The following CACNA1C variants were observed in gnomAD, a reference collection of about 807,000 sequenced individuals.
The protein encoded by CACNA1C is voltage-dependent L-type calcium channel subunit alpha-1C.
In CACNA1C, 30 loss-of-function variants were observed where a neutral mutation model predicts 229.0. The ratio of observed to expected loss-of-function variants is 0.13; its 90% confidence interval spans 0.10 to 0.18. The LOEUF (loss-of-function observed/expected upper bound fraction) is 0.18. CACNA1C is among the 10% of genes least tolerant of loss of function. The pLI, the probability that CACNA1C is intolerant of heterozygous loss-of-function variation, is 1.00. For missense variants in CACNA1C, 1,658 were observed against 2,845.0 expected (o/e 0.58, Z 9.49); for synonymous variants, 1,114 against 1,132.5 (o/e 0.98, Z 0.33).
chr12:1,998,359 T>C (rs1376225575), intron 1 of CACNA1C, among the ~76,000 whole-genome samples: 1 of 152,226 alleles, frequency 6.6e-6, no homozygotes, highest in African/African-American at 2.4e-5. Flanking sequence ...CAGACATCAC[T>C]GGTGTCTGCA....
intron 13 of CACNA1C, among the ~76,000 whole-genome samples, chr12:2,568,670 A>G (rs1163931113): frequency 6.6e-6 from 1 of 152,234 alleles, no homozygotes; most frequent in Non-Finnish European, 1.5e-5. Context: ...CAGTCACAGA[A>G]AGACAAATAC....
At chr12:2,119,579 G>A (rs113040351) in intron 2 of CACNA1C, among the ~76,000 whole-genome samples, 1,954 of 152,340 alleles carry the variant, frequency 0.013, 51 homozygotes, top group African/African-American at 0.044. Context: ...ACCTTGGGCT[G>A]TCCCACTAGA....
intron 1 of CACNA1C, chr12:2,018,343 C>A (rs1593772061): frequency 6.6e-6 from 1 of 152,152 alleles, no homozygotes; most frequent in South Asian, 2.1e-4. Context: ...AGTATTTATT[C>A]TCTTTGTTTC....
chr12:2,419,960 T>C (rs2098958797), intron 3 of CACNA1C, among the ~76,000 whole-genome samples: 1 of 152,102 alleles, frequency 6.6e-6, no homozygotes, highest in African/African-American at 2.4e-5. Context: ...CCGCCACCAG[T>C]CTCCAATTTG....
intron 1 of CACNA1C, among the ~76,000 whole-genome samples, chr12:2,093,945 C>T (rs2072628713): frequency 6.6e-6 from 1 of 152,214 alleles, no homozygotes; most frequent in Non-Finnish European, 1.5e-5. Flanking sequence ...GTGCATAGAG[C>T]AGACCAAAGC....
chr12:2,342,213 A>C (rs1216893123), intron 3 of CACNA1C, among the ~76,000 whole-genome samples: 1 of 151,894 alleles, frequency 6.6e-6, no homozygotes, highest in Non-Finnish European at 1.5e-5. Context: ...GAAGTTACCC[A>C]CCCTGAACTC....
rs2097641485 is a variant in CACNA1C, at chr12:2,688,423, C to T, written c.5785-24C>T. ...GTTTGGGGTCGGCCACTCCTATTAACTCACACTCCTTGTGTGTCCGCAGGC... is the reference window on the plus strand; with the variant it reads ...GTTTGGGGTCGGCCACTCCTATTAATTCACACTCCTTGTGTGTCCGCAGGC... On this transcript the variant is annotated intron_variant, in intron 45 of 46. Coordinates refer to ENST00000399655, the MANE Select transcript of CACNA1C (RefSeq NM_000719.7). 3 of 1,611,786 alleles carry T rather than the reference C, an allele frequency of 1.9e-6. No individual in the cohort carries two copies. The African/African-American group carries it at 4.0e-5, about 22-fold the overall frequency.
intron 3 of CACNA1C, among the ~76,000 whole-genome samples, chr12:2,300,486 C>T (rs776423451): frequency 1.4e-4 from 21 of 151,924 alleles, no homozygotes; most frequent in Non-Finnish European, 2.6e-4. Flanking sequence ...ATTAGCTGGG[C>T]GTGGTGGCAT....
At position 2,067,967 on chromosome 12, in the gene CACNA1C, A is replaced by G. The variant is rs1035893954; in HGVS notation, c.49+14356A>G. ...AAGCCCTGCGATTTTATATCCTTAT[A>G]ATTATATCAGAATATCAAATTCCTG... is the stretch of plus-strand genomic sequence containing the variant. On this transcript the variant is annotated intron_variant, in intron 1 of 46. Coordinates refer to ENST00000399655, the MANE Select transcript of CACNA1C (RefSeq NM_000719.7). This position sits in a 1 kb window ranked among gnomAD's most constrained non-coding sequence, Gnocchi z 5.3. 2.6e-5 allele frequency among the ~76,000 whole-genome samples: 4 copies of G among 152,100 alleles called. No homozygotes were observed. Among genetic ancestry groups the G allele is most frequent in the African/African-American group, 7.2e-5 (3 of 41,408 alleles).
At chr12:2,246,504 A>G (rs1203420339) in intron 3 of CACNA1C, among the ~76,000 whole-genome samples, 1 of 152,104 alleles carries the variant, frequency 6.6e-6, no homozygotes, top group Non-Finnish European at 1.5e-5. Context: ...ACACTTACAC[A>G]GTGCTTCCTG....
At chr12:2,598,052 A>G (rs538862533) in intron 21 of CACNA1C, among the ~76,000 whole-genome samples, 1 of 152,274 alleles carries the variant, frequency 6.6e-6, no homozygotes, top group East Asian at 1.9e-4. Context: ...CTACTGTGAG[A>G]TGTGGAGCTG....
intron 3 of CACNA1C, among the ~76,000 whole-genome samples, chr12:2,374,315 T>C (rs2097961833): frequency 6.6e-6 from 1 of 152,248 alleles, no homozygotes; most frequent in Admixed American, 6.5e-5. Context: ...TATGTGGTTT[T>C]TTATTGTGGT....
intron 30 of CACNA1C, among the ~76,000 whole-genome samples, chr12:2,643,830 A>T (rs1200320531): frequency 6.6e-6 from 1 of 151,780 alleles, no homozygotes; most frequent in African/African-American, 2.4e-5. Flanking sequence ...CAGCCTGACC[A>T]CCTCCTCCCA....
chr12:2,606,070 T>A (rs1040139329), intron 24 of CACNA1C, among the ~76,000 whole-genome samples: 1 of 152,210 alleles, frequency 6.6e-6, no homozygotes, highest in Non-Finnish European at 1.5e-5. Flanking sequence ...TTTCATCCTG[T>A]GGAACCTCTG....
Position 2,653,926 on chromosome 12 carries a change from C to T in CACNA1C, c.4140+26C>T. ...GTAGGGAGGCTCCCACCACGGGGCT[C>T]CTGGCCTCCCGCTCTGTCTCTCCCC... On this transcript the variant is annotated intron_variant, in intron 33 of 46. Transcript: ENST00000399655. The surrounding 1 kb of genome is among the most constrained non-coding windows in gnomAD (Gnocchi z 4.7). The T allele has an allele frequency of 4.4e-6, 7 of 1,595,766 alleles. No homozygotes were observed. Among genetic ancestry groups the T allele is most frequent in the Non-Finnish European group, 6.0e-6 (7 of 1,163,930 alleles).
At chr12:2,371,205 T>A (rs1293076539) in intron 3 of CACNA1C, among the ~76,000 whole-genome samples, 1 of 152,096 alleles carries the variant, frequency 6.6e-6, no homozygotes, top group Admixed American at 6.5e-5. Context: ...TTTAGAGCCA[T>A]GTAAGGTGTA....
intron 3 of CACNA1C, among the ~76,000 whole-genome samples, chr12:2,150,667 T>A (rs75381140): frequency 2.0e-5 from 3 of 152,140 alleles, no homozygotes; most frequent in Admixed American, 2.0e-4. Context: ...CACGTGTGGG[T>A]TGGCATGCAA....
intron 30 of CACNA1C, among the ~76,000 whole-genome samples, chr12:2,643,989 G>T (rs1040191602): frequency 6.6e-6 from 1 of 152,230 alleles, no homozygotes; most frequent in African/African-American, 2.4e-5. Context: ...AGCATGGGGA[G>T]GGGGTACTGG....
chr12:2,465,672 C>T (rs2099546055), intron 5 of CACNA1C, among the ~76,000 whole-genome samples: 2 of 152,144 alleles, frequency 1.3e-5, no homozygotes, highest in South Asian at 4.2e-4. Context: ...GTTCACTCTC[C>T]ATACAAAACG....
Sources: gnomAD v4.1 joint callset for allele counts (sites outside exome capture counted in the v4.1 genomes callset) on GRCh38, gnomAD v4.1.1 for gene constraint, Gnocchi (gnomAD v3.1) non-coding constraint, MANE v1.5 for transcripts, NCBI Gene and HGNC (gene_info 2026-07-23, HGNC 2026-07-21) for gene names.